OR4E1: variants seen among roughly 807,000 people sequenced by gnomAD.
OR4E1 encodes olfactory receptor 4E1.
chr14:21,670,405 C>G lies in OR4E1; in HGVS notation c.531G>C (p.Glu177Asp). The G allele has an allele frequency of 2.5e-6, 1 of 399,698 alleles. No homozygotes were observed. The allele number at this position is 399,698 out of a possible 1,614,324, so 24.8% of individuals were successfully genotyped here. Reference protein sequence around the residue: ...TIKLPYCGPDEIDNFFCDVPQ... With the variant: ...TIKLPYCGPDDIDNFFCDVPQ... ...GTACATCACAGAAGAAGTTGTCAAT[C>G]TCATCAGGACCACAGTAGGGCAGCT... The change falls in exon 2 of 2, where the codon GAG (glutamate) becomes GAC (aspartate). Residue 177 changes from glutamate to aspartate, a missense_variant. By Grantham distance (45) the Glu-to-Asp change is conservative (BLOSUM62 2). Transcript: ENST00000641792.
At chr14:21,672,709 T>A (rs1881017236) in intron 1 of OR4E1, among the ~76,000 whole-genome samples, 1 of 152,184 alleles carries the variant, frequency 6.6e-6, no homozygotes, top group Non-Finnish European at 1.5e-5. Flanking sequence ...AAGGCTTCTG[T>A]TCTCCCCTCA....
intron 1 of OR4E1, among the ~76,000 whole-genome samples, chr14:21,672,511 G>A (rs1162463303): frequency 6.6e-6 from 1 of 152,148 alleles, no homozygotes; most frequent in African/African-American, 2.4e-5. Context: ...ATTTTTCTTC[G>A]AGTATTCGTT....
At position 21,670,387 on chromosome 14, in the gene OR4E1, A is replaced by G; in HGVS notation, c.549T>C (p.Cys183=). Residue 183 remains cysteine, a synonymous_variant, in exon 2 of 2, where the codon TGT becomes TGC. Transcript: ENST00000641792. ...CGPDEIDNFF[C]DVPQVIKLAC... ...CCAGCTTGATCACCTGAGGTACATC[A>G]CAGAAGAAGTTGTCAATCTCATCAG... The G allele has an allele frequency of 2.5e-6, 1 of 399,842 alleles. No individual in the cohort carries two copies. Among genetic ancestry groups the G allele is most frequent in the Non-Finnish European group, 4.4e-6 (1 of 226,562 alleles). The allele number at this position is 399,842 out of a possible 1,614,324, so 24.8% of individuals were successfully genotyped here.
At chr14:21,672,976 G>T (rs1881030500) in intron 1 of OR4E1, 114 bp downstream of exon 1, 1 of 152,142 alleles carries the variant, frequency 6.6e-6, no homozygotes, top group African/African-American at 2.4e-5. Context: ...GATGCTCTTA[G>T]TACCTCCAAA....
chr14:21,670,874 A>G lies in OR4E1; in HGVS notation c.62T>C (p.Leu21Ser), dbSNP rs1404543112. ...TATCCGTGCCTTATGATTTACAGAT[A>G]AACCTCTAAGCCGAAAATATGTCAC... is the stretch of plus-strand genomic sequence containing the variant. ...SLVTYFRLRG[L>S]SVNHKARIAM... Residue 21 changes from leucine to serine, a missense_variant, in exon 2 of 2, where the codon TTA (leucine) becomes TCA (serine). Coordinates refer to ENST00000641792, the MANE Select transcript of OR4E1 (RefSeq NM_001317107.2). 3 of 398,752 alleles carry G rather than the reference A, an allele frequency of 7.5e-6. No homozygotes were observed. The highest frequency in any genetic ancestry group is 2.1e-5 in the African/African-American group (1 of 48,644). The allele number at this position is 398,752 out of a possible 1,614,324, so 24.7% of individuals were successfully genotyped here.
chr14:21,673,435 CTACAAAAAA>C lies in OR4E1; in HGVS notation c.-372_-364del, dbSNP rs1337367046. ...CGGGCAACATGGCGAAACCCCGTCTCTACAAAAAATACAAAAAATTAGCTGGGCATGTTG... is the reference window on the plus strand; with the variant it reads ...CGGGCAACATGGCGAAACCCCGTCTCTACAAAAAATTAGCTGGGCATGTTG... On this transcript the variant is annotated 5_prime_UTR_variant, in exon 1 of 2. Transcript: ENST00000641792. 6.6e-6 allele frequency: 1 copy of C among 151,790 alleles called. No homozygotes were observed. Among genetic ancestry groups the C allele is most frequent in the African/African-American group, 2.4e-5 (1 of 41,290 alleles). The allele number at this position is 151,790 out of a possible 1,614,324, so 9.4% of individuals were successfully genotyped here.
At chr14:21,671,931 C>G (rs751568583) in intron 1 of OR4E1, among the ~76,000 whole-genome samples, 1 of 151,918 alleles carries the variant, frequency 6.6e-6, no homozygotes, top group African/African-American at 2.4e-5. Context: ...TCAACTGGTC[C>G]AAGGTTACAC....
rs933905026 is a variant in OR4E1, at chr14:21,668,354, C to T, written c.*1634G>A. The T allele has an allele frequency of 5.4e-5, 4 of 74,346 alleles. No individual in the cohort carries two copies. The highest frequency in any genetic ancestry group is 2.6e-4 in the African/African-American group (4 of 15,480). 4.6% of individuals were successfully genotyped at this position (74,346 alleles called of 1,614,324 possible). A position where few individuals can be genotyped will look rare whatever the true frequency, so the allele number is the denominator to read the frequency against. On this transcript the variant is annotated 3_prime_UTR_variant, in exon 2 of 2. Transcript: ENST00000641792. ...ATAATTCTTGTGTCACTTGAATATC[C>T]TTCCTAACACATTTCCTAGCAAATA...
At position 21,670,012 on chromosome 14, in the gene OR4E1, T is replaced by C; in HGVS notation, c.924A>G (p.Arg308=). Residue 308 remains arginine (R), a synonymous_variant, in exon 2 of 2, where the codon AGA becomes AGG. Transcript: ENST00000641792. ...TTCATTTTTCTTCTTTTCTCTCTTT[T>C]CTCCCCACTAACTTGTTTAAGGCAC... ...MKSALNKLVG[R]KERKEEK is the part of the protein sequence containing the mutation. 2.5e-6 allele frequency: 1 copy of C among 398,648 alleles called. No homozygotes were observed. The highest frequency in any genetic ancestry group is 1.3e-4 in the South Asian group (1 of 7,852). The allele number at this position is 398,648 out of a possible 1,614,324, so 24.7% of individuals were successfully genotyped here.
At position 21,670,707 on chromosome 14, in the gene OR4E1, G is replaced by A; in HGVS notation, c.229C>T (p.His77Tyr). The part of the protein sequence containing the change: ...LSNLSFIDVC[H>Y]STVTVPKMLR... ...ATCTTGGGGACAGTGACAGTGGAGT[G>A]GCAGACATCAATAAAGGACAGGTTG... The change falls in exon 2 of 2, where the codon CAC (histidine) becomes TAC (tyrosine). Residue 77 changes from histidine to tyrosine, a missense_variant. By Grantham distance (83) the His-to-Tyr change is moderately conservative. Coordinates refer to ENST00000641792, the MANE Select transcript of OR4E1 (RefSeq NM_001317107.2). 1 of 402,142 alleles carries A rather than the reference G, an allele frequency of 2.5e-6. No homozygotes were observed. The highest frequency in any genetic ancestry group is 3.5e-4 in the Middle Eastern group (1 of 2,868). 24.9% of individuals were successfully genotyped at this position (402,142 alleles called of 1,614,324 possible). A position where few individuals can be genotyped will look rare whatever the true frequency, so the allele number is the denominator to read the frequency against.
chr14:21,671,695 C>G (rs1880960392), intron 1 of OR4E1, among the ~76,000 whole-genome samples: 1 of 152,152 alleles, frequency 6.6e-6, no homozygotes, highest in Non-Finnish European at 1.5e-5. Context: ...TTAGATCACT[C>G]TAGCTCTTTT....
rs990424495 is a variant in OR4E1 at position 21,668,562 on chromosome 14, C to T, written c.*1426G>A. ...TTTTGTAAACATGAATATGAGATGC[C>T]GTTATCTGGGATATCCTCTTCATAT... On this transcript the variant is annotated 3_prime_UTR_variant, in exon 2 of 2. Coordinates refer to ENST00000641792, the MANE Select transcript of OR4E1 (RefSeq NM_001317107.2). The T allele has an allele frequency of 1.3e-5, 2 of 152,070 alleles. No homozygotes were observed. The highest frequency in any genetic ancestry group is 2.9e-5 in the Non-Finnish European group (2 of 68,016). The allele number at this position is 152,070 out of a possible 1,614,324, so 9.4% of individuals were successfully genotyped here. A position where few individuals can be genotyped will look rare whatever the true frequency, so the allele number is the denominator to read the frequency against.
chr14:21,668,500 G>A lies in OR4E1; in HGVS notation c.*1488C>T, dbSNP rs1437770478. 1 of 152,170 alleles carries A rather than the reference G, an allele frequency of 6.6e-6. No individual in the cohort carries two copies. Among genetic ancestry groups the A allele is most frequent in the African/African-American group, 2.4e-5 (1 of 41,442 alleles). 9.4% of individuals were successfully genotyped at this position (152,170 alleles called of 1,614,324 possible). ...TAAGCATGCCTTTTTTAGCGATGATGTGAGAACAAACTGATGATTTCCAAT... is the reference window on the plus strand; with the variant it reads ...TAAGCATGCCTTTTTTAGCGATGATATGAGAACAAACTGATGATTTCCAAT... On this transcript the variant is annotated 3_prime_UTR_variant, in exon 2 of 2. Transcript: ENST00000641792.
rs1183710205 is a variant in OR4E1 at position 21,669,455 on chromosome 14, C to T, written c.*533G>A. 6.6e-6 allele frequency: 1 copy of T among 152,188 alleles called. No homozygotes were observed. The highest frequency in any genetic ancestry group is 1.5e-5 in the Non-Finnish European group (1 of 68,038). 9.4% of individuals were successfully genotyped at this position (152,188 alleles called of 1,614,324 possible). On this transcript the variant is annotated 3_prime_UTR_variant, in exon 2 of 2. Transcript: ENST00000641792. ...ACTTCACCTGTTCAAAGTCTTCTTT[C>T]TCTGTCACCAAAGTCATGTGGAAAC...
rs1880899354 is a variant in OR4E1 at position 21,670,788 on chromosome 14, C to T, written c.148G>A (p.Val50Ile). The change falls in exon 2 of 2, where the codon GTC (valine) becomes ATC (isoleucine). Residue 50 changes from valine (V) to isoleucine (I), a missense_variant. Val to Ile is a conservative substitution (Grantham distance 29). Transcript: ENST00000641792. ...VLTLIGNVLI[V>I]ITIIYDHRLH... ...CGGTGGTCATAGATAATAGTTATGA[C>T]AATGAGAACATTCCCAATCAGTGTC... The T allele has an allele frequency of 7.5e-6, 3 of 399,846 alleles. No homozygotes were observed. Among genetic ancestry groups the T allele is most frequent in the Non-Finnish European group, 1.3e-5 (3 of 226,106 alleles). 24.8% of individuals were successfully genotyped at this position (399,846 alleles called of 1,614,324 possible).
chr14:21,669,834 A>T lies in OR4E1; in HGVS notation c.*154T>A. 1 of 389,524 alleles carries T rather than the reference A, an allele frequency of 2.6e-6. No individual in the cohort carries two copies. Among genetic ancestry groups the T allele is most frequent in the Non-Finnish European group, 4.5e-6 (1 of 220,806 alleles). 24.1% of individuals were successfully genotyped at this position (389,524 alleles called of 1,614,324 possible). A position where few individuals can be genotyped will look rare whatever the true frequency, so the allele number is the denominator to read the frequency against. On this transcript the variant is annotated 3_prime_UTR_variant, in exon 2 of 2. Transcript: ENST00000641792. ...TAGAATAATTTCCAGCACAGAGAAG[A>T]TATTAATAACCATAACGATTGCTAT...
At chr14:21,671,437 T>A (rs142210898) in intron 1 of OR4E1, among the ~76,000 whole-genome samples, 53 of 152,354 alleles carry the variant, frequency 3.5e-4, no homozygotes, top group Non-Finnish European at 6.6e-4. Flanking sequence ...GCTGTTGGCT[T>A]TGCCATGGGG....
intron 1 of OR4E1, among the ~76,000 whole-genome samples, chr14:21,672,869 T>C (rs72686101): frequency 0.034 from 5,213 of 152,252 alleles, 189 homozygotes; most frequent in Admixed American, 0.12. Context: ...GAAAACCTAG[T>C]GTTTTTTGCA....
rs1259125838 is a variant in OR4E1 at position 21,670,165 on chromosome 14, G to A, written c.771C>T (p.His257=). ...ATGGGCGGGAATAGATGAAGATGCA[G>A]TGTCCCAGGAACAGTGTAACTACAG... ...HLTVVTLFLG[H]CIFIYSRPST... is the part of the protein sequence containing the mutation. The change falls in exon 2 of 2, where the codon CAC becomes CAT. Residue 257 remains histidine, a synonymous_variant. Coordinates refer to ENST00000641792, the MANE Select transcript of OR4E1 (RefSeq NM_001317107.2). 10 of 398,672 alleles carry A rather than the reference G, an allele frequency of 2.5e-5. No individual in the cohort carries two copies. The highest frequency in any genetic ancestry group is 4.0e-5 in the Non-Finnish European group (9 of 226,266). The allele number at this position is 398,672 out of a possible 1,614,324, so 24.7% of individuals were successfully genotyped here.
Sources: allele counts gnomAD v4.1 joint callset (sites outside exome capture counted in the v4.1 genomes callset), GRCh38; gene constraint gnomAD v4.1.1; transcripts MANE v1.5; gene names NCBI Gene and HGNC (gene_info 2026-07-23, HGNC 2026-07-21).